ARMC3: variants seen among roughly 807,000 people sequenced by gnomAD.
The protein encoded by ARMC3 is armadillo repeat containing 3, also known as armadillo repeat-containing protein 3.
ARMC3 carries 74 observed loss-of-function variants against 90.3 expected under a neutral mutation model. That is an observed-to-expected ratio of 0.82 (90% confidence interval 0.68 to 0.99). The LOEUF (loss-of-function observed/expected upper bound fraction) is 0.99, where lower values mean the gene tolerates loss of function less well. Ranked by LOEUF, ARMC3 falls within the 50% of genes least tolerant of loss-of-function variation. ARMC3 has a pLI of 0.00. For synonymous variants in ARMC3, 334 were observed against 361.8 expected (o/e 0.92, Z 0.87); for missense variants, 958 against 1,042.8 (o/e 0.92, Z 1.12).
chr10:22,950,336 C>T (rs1834697454), intron 3 of ARMC3, among the ~76,000 whole-genome samples: 1 of 151,880 alleles, frequency 6.6e-6, no homozygotes, highest in South Asian at 2.1e-4. Flanking sequence ...CAACAACAGC[C>T]CCAACATAGA....
rs575803263 is a variant in ARMC3 at position 22,967,060 on chromosome 10, A to G, written c.733-1246A>G. Among the ~76,000 whole-genome samples the G allele has an allele frequency of 3.3e-4, 50 of 152,184 alleles. No individual in the cohort carries two copies. In the South Asian group the frequency reaches 8.6e-3, roughly 26 times the overall value. ...TGATTTTGGAGGCTTGGCAAGTCCA[A>G]AATCCACAGGTTAGACCAGTAGGCT... On this transcript the variant is annotated intron_variant, in intron 7 of 18. Transcript: ENST00000298032.
At position 23,005,970 on chromosome 10, in the gene ARMC3, C is replaced by A. The variant is rs914891186; in HGVS notation, c.1732-914C>A. 2.6e-5 allele frequency among the ~76,000 whole-genome samples: 4 copies of A among 151,846 alleles called. No homozygotes were observed. The East Asian group carries it at 7.7e-4, about 29-fold the overall frequency. ...AAATGCTGGGGAGCCCTGAGGTGGG[C>A]GGTTGCAATTTTAGAAGTTGCAGTC... On this transcript the variant is annotated intron_variant, in intron 13 of 18. Transcript: ENST00000298032.
intron 2 of ARMC3, among the ~76,000 whole-genome samples, chr10:22,935,469 A>G (rs1045299854): frequency 6.6e-6 from 1 of 152,248 alleles, no homozygotes; most frequent in African/African-American, 2.4e-5. Context: ...AGACAGTATT[A>G]TTCCTTAACA....
chr10:22,968,207 A>G, intron 7 of ARMC3, 99 bp from the exon 8 acceptor site: 1 of 1,090,602 alleles, frequency 9.2e-7, no homozygotes, highest in Non-Finnish European at 1.3e-6. Context: ...AAAAATCATG[A>G]CATTGTGTTC....
intron 16 of ARMC3, among the ~76,000 whole-genome samples, chr10:23,021,090 C>T (rs1838493195): frequency 6.6e-6 from 1 of 152,156 alleles, no homozygotes; most frequent in Non-Finnish European, 1.5e-5. Flanking sequence ...TGCATTAATT[C>T]ACTTAGGATA....
intron 8 of ARMC3, among the ~76,000 whole-genome samples, chr10:22,972,188 G>C (rs988716529): frequency 3.9e-5 from 6 of 152,202 alleles, no homozygotes; most frequent in Middle Eastern, 6.8e-3. Context: ...GTTTTAAATT[G>C]TGGTGCATTC....
intron 16 of ARMC3, among the ~76,000 whole-genome samples, chr10:23,024,527 CAA>C (rs1265180514): frequency 6.6e-6 from 1 of 152,086 alleles, no homozygotes; most frequent in African/African-American, 2.4e-5. Context: ...ATACTCAAGA[CAA>C]TGATATTTTA....
intron 8 of ARMC3, among the ~76,000 whole-genome samples, chr10:22,980,236 A>C (rs1387943276): frequency 6.6e-6 from 1 of 152,134 alleles, no homozygotes; most frequent in Non-Finnish European, 1.5e-5. Flanking sequence ...TTCTTCTCTT[A>C]TATATCTTGA....
intron 2 of ARMC3, among the ~76,000 whole-genome samples, chr10:22,940,387 A>G (rs1342988125): frequency 6.6e-6 from 1 of 152,276 alleles, no homozygotes; most frequent in Non-Finnish European, 1.5e-5. Context: ...AGACAAATTA[A>G]CTAAGACCTA....
chr10:22,972,759 TC>T (rs1835731431), intron 8 of ARMC3, among the ~76,000 whole-genome samples: 1 of 152,192 alleles, frequency 6.6e-6, no homozygotes, highest in Non-Finnish European at 1.5e-5. Flanking sequence ...TATTATACCC[TC>T]CTTGAAATGT....
At chr10:22,984,291 G>C (rs1465093836) in intron 10 of ARMC3, among the ~76,000 whole-genome samples, 1 of 152,164 alleles carries the variant, frequency 6.6e-6, no homozygotes, top group Non-Finnish European at 1.5e-5. Context: ...CATGCATTGA[G>C]TAATCGCTGG....
chr10:22,969,452 T>A (rs538069525), intron 8 of ARMC3, among the ~76,000 whole-genome samples: 1 of 152,358 alleles, frequency 6.6e-6, no homozygotes, highest in South Asian at 2.1e-4. Flanking sequence ...TATATTGATA[T>A]GTATACTATG....
At chr10:22,947,642 G>A (rs963904937) in intron 3 of ARMC3, among the ~76,000 whole-genome samples, 9 of 152,054 alleles carry the variant, frequency 5.9e-5, no homozygotes, top group East Asian at 1.9e-4. Flanking sequence ...AAGGAAATCC[G>A]AATAACTAAG....
rs746267034 is a variant in ARMC3, at chr10:22,968,425, A to G, written c.852A>G (p.Glu284=). 6.2e-7 allele frequency: 1 copy of G among 1,612,894 alleles called. No individual in the cohort carries two copies. The highest frequency in any genetic ancestry group is 1.7e-5 in the Admixed American group (1 of 59,654). ...TTAAAAAGCTCCTGTCATTTGCAGA[A>G]AACTCTACAATTCCTGATATTCAGA... ...GGLKKLLSFA[E]NSTIPDIQKN... The change falls in exon 8 of 19, where the codon GAA becomes GAG. Residue 284 remains glutamate (E), a synonymous_variant. Transcript: ENST00000298032.
rs760834998 is a variant in ARMC3 at position 22,955,859 on chromosome 10, T to G, written c.219T>G (p.Thr73=). The part of the protein sequence containing the change: ...LLELGAVEPL[T]KLLTHEDKIV... ...AACTTGGAGCTGTGGAACCTTTAAC[T>G]AAGCTACTCACCCATGAAGACAAAA... Residue 73 remains threonine, a synonymous_variant, in exon 4 of 19, where the codon ACT becomes ACG. Transcript: ENST00000298032. The G allele has an allele frequency of 4.3e-6, 7 of 1,613,848 alleles. No homozygotes were observed.
intron 1 of ARMC3, among the ~76,000 whole-genome samples, chr10:22,930,940 T>C (rs935079106): frequency 2.6e-5 from 4 of 152,176 alleles, no homozygotes; most frequent in Non-Finnish European, 5.9e-5. Flanking sequence ...AGTTTCTTTT[T>C]TTTTTTTGAG....
intron 4 of ARMC3, among the ~76,000 whole-genome samples, chr10:22,957,560 GTTAACAC>G (rs1237550720): frequency 2.6e-5 from 4 of 152,136 alleles, no homozygotes; most frequent in Non-Finnish European, 4.4e-5. Flanking sequence ...GGTAATACTA[GTTAACAC>G]TTAACATACA....
chr10:23,025,770 AAAC>A (rs1423973832), intron 16 of ARMC3, among the ~76,000 whole-genome samples: 21 of 152,254 alleles, frequency 1.4e-4, no homozygotes, highest in South Asian at 1.0e-3. Context: ...TTTAAAACAG[AAAC>A]AATAGAGAAA....
intron 11 of ARMC3, among the ~76,000 whole-genome samples, chr10:23,000,145 G>A (rs933844527): frequency 1.3e-5 from 2 of 152,126 alleles, no homozygotes; most frequent in Non-Finnish European, 2.9e-5. Context: ...ATCTGCAGGG[G>A]CCCTCCTGAC....
Sources: gnomAD v4.1 joint callset for allele counts (sites outside exome capture counted in the v4.1 genomes callset) on GRCh38, gnomAD v4.1.1 for gene constraint, MANE v1.5 for transcripts, NCBI Gene and HGNC (gene_info 2026-07-23, HGNC 2026-07-21) for gene names.